The following MCF2L variants were observed in gnomAD, a reference collection of about 807,000 sequenced individuals.
MCF2L encodes guanine nucleotide exchange factor DBS.
MCF2L carries 97 observed loss-of-function variants against 153.4 expected under a neutral mutation model. The ratio of observed to expected loss-of-function variants is 0.63; its 90% CI spans 0.54 to 0.75. The LOEUF (loss-of-function observed/expected upper bound fraction) is 0.75, where lower values mean the gene tolerates loss of function less well. MCF2L is among the 30% of genes least tolerant of loss of function. The pLI is 0.00. For synonymous variants in MCF2L, 659 were observed against 632.2 expected (o/e 1.04, Z -0.64); for missense variants, 1,347 against 1,495.2 (o/e 0.90, Z 1.64).
Position 113,096,955 on chromosome 13 carries a change from C to A in MCF2L, c.*96C>A. 1 of 897,974 alleles carries A rather than the reference C, an allele frequency of 1.1e-6. No homozygotes were observed. Among genetic ancestry groups the A allele is most frequent in the Non-Finnish European group, 1.5e-6 (1 of 665,328 alleles). 55.6% of individuals were successfully genotyped at this position (897,974 alleles called of 1,614,324 possible). On this transcript the variant is annotated 3_prime_UTR_variant, in exon 30 of 30. Transcript: ENST00000535094. ...ACGCCCCGAGGAAGGGGCACCTCAC[C>A]GCCCCCACCCAGAGCGCCTGGCCGT...
chr13:112,921,029 T>A (rs987329243), intron 2 of MCF2L, among the ~76,000 whole-genome samples: 3 of 150,434 alleles, frequency 2.0e-5, no homozygotes, highest in African/African-American at 7.3e-5. Flanking sequence ...TCCAAAAAAT[T>A]AGCCGGGTGT....
intron 3 of MCF2L, among the ~76,000 whole-genome samples, chr13:113,036,517 G>C (rs972333266): frequency 6.6e-6 from 1 of 152,234 alleles, no homozygotes; most frequent in Non-Finnish European, 1.5e-5. Context: ...AATAAAGCAG[G>C]CCAGGGCATC....
chr13:112,973,623 C>T (rs1228903578), intron 1 of MCF2L, among the ~76,000 whole-genome samples: 2 of 152,236 alleles, frequency 1.3e-5, no homozygotes, highest in African/African-American at 4.8e-5. Context: ...GTGAGTCTGA[C>T]GCCCTCCATG....
At chr13:113,016,865 C>A (rs572188636) in intron 2 of MCF2L, among the ~76,000 whole-genome samples, 1 of 152,210 alleles carries the variant, frequency 6.6e-6, no homozygotes, top group Non-Finnish European at 1.5e-5. Flanking sequence ...CTCACGTCCT[C>A]CCGTGTGTGG....
chr13:112,993,144 G>A lies in MCF2L; in HGVS notation c.80-21619G>A, dbSNP rs2082959893. 6.6e-6 allele frequency among the ~76,000 whole-genome samples: 1 copy of A among 152,254 alleles called. No homozygotes were observed. Among genetic ancestry groups the A allele is most frequent in the South Asian group, 2.1e-4 (1 of 4,834 alleles). On this transcript the variant is annotated intron_variant, in intron 1 of 29. Coordinates refer to ENST00000535094, the MANE Select transcript of MCF2L (RefSeq NM_001112732.3). The surrounding 1 kb of genome is among the most constrained non-coding windows in gnomAD (Gnocchi z 4.6). ...CTGCCGCGGAGGGAGAGGTAGCGCGGGGCATGGGGAGGCCACAGAGAGGCT... is the reference window on the plus strand; with the variant it reads ...CTGCCGCGGAGGGAGAGGTAGCGCGAGGCATGGGGAGGCCACAGAGAGGCT...
At chr13:112,940,976 G>A (rs1321793206) in intron 2 of MCF2L, among the ~76,000 whole-genome samples, 1 of 152,178 alleles carries the variant, frequency 6.6e-6, no homozygotes, top group Non-Finnish European at 1.5e-5. Flanking sequence ...TCCTGGAAGA[G>A]GACTGCCTGG....
At chr13:113,052,792 CAT>C (rs1449016232) in intron 4 of MCF2L, 19 of 151,820 alleles carry the variant, frequency 1.3e-4, no homozygotes, top group Admixed American at 1.2e-3. Flanking sequence ...AACACACAGA[CAT>C]AGACACAGAC....
chr13:112,936,851 T>C (rs553373039), intron 2 of MCF2L, among the ~76,000 whole-genome samples: 30 of 152,304 alleles, frequency 2.0e-4, no homozygotes, highest in South Asian at 1.0e-3. Context: ...TAATACCTAA[T>C]ACAATGTAAA....
At chr13:112,964,806 G>A (rs963387426), upstream of MCF2L, 1 of 152,176 alleles carries the variant, frequency 6.6e-6, no homozygotes, top group African/African-American at 2.4e-5. Context: ...GTATAAAAAG[G>A]CATCAGAAGG....
intron 4 of MCF2L, among the ~76,000 whole-genome samples, chr13:113,048,893 G>A (rs759922151): frequency 3.3e-5 from 5 of 152,210 alleles, no homozygotes; most frequent in South Asian, 2.1e-4. Context: ...CATCACAATG[G>A]GGTCACAGGC....
intron 27 of MCF2L, chr13:113,095,304 G>A: frequency 1.7e-6 from 2 of 1,175,840 alleles, no homozygotes; most frequent in Non-Finnish European, 2.1e-6. Context: ...GGCTCTGGAA[G>A]GGCAGAGAAG....
chr13:112,924,205 A>G (rs1391903398), intron 2 of MCF2L, among the ~76,000 whole-genome samples: 1 of 152,096 alleles, frequency 6.6e-6, no homozygotes, highest in Non-Finnish European at 1.5e-5. Context: ...CCAAGAACAG[A>G]GTGAAGCTCC....
chr13:113,023,956 A>G (rs913313914), intron 2 of MCF2L, among the ~76,000 whole-genome samples: 11 of 152,188 alleles, frequency 7.2e-5, no homozygotes, highest in African/African-American at 2.7e-4. Flanking sequence ...CTGAGTCCCA[A>G]GCTCACTTCC....
At chr13:113,006,844 T>TCAGCC (rs1434617642) in intron 1 of MCF2L, among the ~76,000 whole-genome samples, 1 of 152,160 alleles carries the variant, frequency 6.6e-6, no homozygotes, top group African/African-American at 2.4e-5. Context: ...GAGGTTTGGC[T>TCAGCC]CAGCCCCCAA....
At chr13:112,921,265 G>A (rs987298281) in intron 2 of MCF2L, among the ~76,000 whole-genome samples, 34 of 152,030 alleles carry the variant, frequency 2.2e-4, no homozygotes, top group Admixed American at 1.9e-3. Context: ...GGACGAATAG[G>A]GCAGGCTGGT....
At chr13:113,075,443 C>T (rs1391719720) in intron 11 of MCF2L, among the ~76,000 whole-genome samples, 2 of 151,502 alleles carry the variant, frequency 1.3e-5, no homozygotes, top group African/African-American at 4.9e-5. Flanking sequence ...CCTCCCACCT[C>T]AGCCCCCAAG....
intron 2 of MCF2L, among the ~76,000 whole-genome samples, chr13:113,015,740 AGAG>A (rs1234740043): frequency 3.3e-5 from 5 of 152,238 alleles, no homozygotes; most frequent in East Asian, 3.8e-4. Context: ...CATGATGGCC[AGAG>A]GAGAAGTGCT....
intron 1 of MCF2L, among the ~76,000 whole-genome samples, chr13:112,998,221 G>A (rs1008915624): frequency 7.2e-5 from 11 of 152,218 alleles, no homozygotes; most frequent in African/African-American, 2.7e-4. Context: ...GCCAAATAAA[G>A]CACGAAGTCT....
At chr13:112,906,641 C>CT (rs1343132968) in intron 2 of MCF2L, among the ~76,000 whole-genome samples, 15 of 152,342 alleles carry the variant, frequency 9.8e-5, no homozygotes, top group African/African-American at 3.6e-4. Flanking sequence ...CGTTCTGGCT[C>CT]TGGTGGGCCA....
Sources: gnomAD v4.1 joint callset for allele counts (sites outside exome capture counted in the v4.1 genomes callset) on GRCh38, gnomAD v4.1.1 for gene constraint, Gnocchi (gnomAD v3.1) non-coding constraint, MANE v1.5 for transcripts, NCBI Gene and HGNC (gene_info 2026-07-23, HGNC 2026-07-21) for gene names.